GALNT13: variants seen among roughly 807,000 people sequenced by gnomAD.
GALNT13 encodes UDP-GalNAc:polypeptide N-acetylgalactosaminyltransferase 13.
In GALNT13, 28 loss-of-function variants were observed where a neutral mutation model predicts 64.2. That is an observed-to-expected ratio of 0.44 (90% CI 0.32 to 0.60). The LOEUF (loss-of-function observed/expected upper bound fraction) is 0.60, where lower values mean the gene tolerates loss of function less well. Ranked by LOEUF, GALNT13 falls within the 20% of genes least tolerant of loss-of-function variation. The pLI is 0.05. For synonymous variants in GALNT13, 214 were observed against 224.6 expected, an observed-to-expected ratio of 0.95 and a Z score of 0.42; for missense variants, 577 against 669.8, an observed-to-expected ratio of 0.86 and a Z score of 1.53.
chr2:153,249,725 C>T, the GALNT13 span, among the ~76,000 whole-genome samples: 2 of 152,036 alleles, frequency 1.3e-5, no homozygotes, highest in Admixed American at 1.3e-4. Flanking sequence ...TAACACCATA[C>T]ATCTACAACC....
intron 9 of GALNT13, among the ~76,000 whole-genome samples, chr2:154,318,740 AT>A (rs201431193): frequency 0.029 from 4,308 of 150,238 alleles, 74 homozygotes; most frequent in South Asian, 0.052. Context: ...AAAAAAAAAA[AT>A]CGTTAGATTA....
At chr2:154,098,865 G>A (rs1043312481) in intron 3 of GALNT13, among the ~76,000 whole-genome samples, 5 of 151,920 alleles carry the variant, frequency 3.3e-5, no homozygotes, top group East Asian at 1.9e-4. Context: ...TGTGAGTAGC[G>A]CTGTGATAAA....
chr2:153,957,274 AG>A (rs1467894317), intron 3 of GALNT13, among the ~76,000 whole-genome samples: 1 of 152,206 alleles, frequency 6.6e-6, no homozygotes, highest in Non-Finnish European at 1.5e-5. Context: ...AGGAAGAGGC[AG>A]GGAAAGGGAT....
chr2:153,241,520 C>G, the GALNT13 span, among the ~76,000 whole-genome samples: 1 of 152,084 alleles, frequency 6.6e-6, no homozygotes, highest in Admixed American at 6.6e-5. Context: ...GGCTTGACCT[C>G]CATAGCTATG....
chr2:154,044,719 A>G (rs1699192543), intron 3 of GALNT13, among the ~76,000 whole-genome samples: 1 of 152,162 alleles, frequency 6.6e-6, no homozygotes, highest in Admixed American at 6.6e-5. Flanking sequence ...GGGGAAGGAG[A>G]ATGAAGGATA....
intron 8 of GALNT13, among the ~76,000 whole-genome samples, chr2:154,283,788 A>T (rs1692099254): frequency 6.6e-6 from 1 of 152,112 alleles, no homozygotes; most frequent in African/African-American, 2.4e-5. Context: ...TATCTAGATG[A>T]CAAACTATAG....
intron 11 of GALNT13, 99 bp from the exon 12 acceptor site, chr2:154,438,491 AAC>A: frequency 1.3e-6 from 1 of 790,526 alleles, no homozygotes. Flanking sequence ...ATCGTTTGAA[AAC>A]ACAAGTTTAT....
At chr2:153,641,151 C>T in the GALNT13 span, among the ~76,000 whole-genome samples, 1 of 152,066 alleles carries the variant, frequency 6.6e-6, no homozygotes, top group Non-Finnish European at 1.5e-5. Context: ...GCACTTCAAA[C>T]ATTATTTCCT....
intron 2 of GALNT13, among the ~76,000 whole-genome samples, chr2:153,942,916 G>A (rs13387828): frequency 0.062 from 9,371 of 152,124 alleles, 600 homozygotes; most frequent in African/African-American, 0.16. Flanking sequence ...ATACTTTGAT[G>A]TTTTTGAGAC....
chr2:154,079,835 G>A (rs1010866782), intron 3 of GALNT13, among the ~76,000 whole-genome samples: 6 of 151,584 alleles, frequency 4.0e-5, no homozygotes, highest in Admixed American at 1.3e-4. Context: ...AATCATCATC[G>A]AACATAGAAA....
chr2:154,022,585 T>C (rs1319746214), intron 3 of GALNT13, among the ~76,000 whole-genome samples: 1 of 152,194 alleles, frequency 6.6e-6, no homozygotes, highest in Non-Finnish European at 1.5e-5. Context: ...TTCTTCTCTC[T>C]TTTCTTCTTT....
chr2:153,886,203 G>T (rs776717974), intron 1 of GALNT13, among the ~76,000 whole-genome samples: 4 of 150,814 alleles, frequency 2.7e-5, no homozygotes, highest in Non-Finnish European at 4.4e-5. Context: ...AATTAACAAT[G>T]AGGCACTCTT....
At chr2:153,768,813 C>T in the GALNT13 span, among the ~76,000 whole-genome samples, 2 of 152,144 alleles carry the variant, frequency 1.3e-5, no homozygotes, top group Non-Finnish European at 2.9e-5. Flanking sequence ...TTACAGTGAG[C>T]CAAGATCGCA....
At chr2:153,242,831 C>T in the GALNT13 span, among the ~76,000 whole-genome samples, 3 of 152,156 alleles carry the variant, frequency 2.0e-5, no homozygotes, top group African/African-American at 7.2e-5. Context: ...GAGGGGGCAC[C>T]ACAGACCCCA....
At chr2:154,144,013 A>G (rs1683422454) in intron 4 of GALNT13, among the ~76,000 whole-genome samples, 2 of 152,302 alleles carry the variant, frequency 1.3e-5, no homozygotes, top group South Asian at 2.1e-4. Flanking sequence ...CAAGTTGCTT[A>G]GCATGTAAAG....
At chr2:153,110,258 C>A in the GALNT13 span, among the ~76,000 whole-genome samples, 5 of 152,128 alleles carry the variant, frequency 3.3e-5, no homozygotes, top group East Asian at 9.7e-4. Flanking sequence ...CCCCAATTTT[C>A]CACATACTGT....
chr2:154,350,549 G>T (rs1696336522), intron 9 of GALNT13, among the ~76,000 whole-genome samples: 1 of 152,188 alleles, frequency 6.6e-6, no homozygotes, highest in Admixed American at 6.5e-5. Flanking sequence ...ACTTGGACTG[G>T]CTTAGTTGAT....
At chr2:154,234,667 G>C (rs1229100316) in intron 4 of GALNT13, among the ~76,000 whole-genome samples, 1 of 152,072 alleles carries the variant, frequency 6.6e-6, no homozygotes, top group Non-Finnish European at 1.5e-5. Context: ...TTTTAAAAAG[G>C]TATTTCTACA....
chr2:153,526,652 T>G, the GALNT13 span, among the ~76,000 whole-genome samples: 1 of 152,078 alleles, frequency 6.6e-6, no homozygotes, highest in African/African-American at 2.4e-5. Context: ...CAGACAAATA[T>G]GTACAAGTAT....
Sources: allele counts gnomAD v4.1 joint callset (sites outside exome capture counted in the v4.1 genomes callset), GRCh38; gene constraint gnomAD v4.1.1; transcripts MANE v1.5; gene names NCBI Gene and HGNC (gene_info 2026-07-23, HGNC 2026-07-21).